SPTBN5: variants seen among roughly 807,000 people sequenced by gnomAD.
SPTBN5 encodes spectrin beta, non-erythrocytic 5.
SPTBN5 carries 513 observed loss-of-function variants against 477.6 expected under a neutral mutation model. The observed-to-expected ratio is 1.07, with a 90% CI of 1.00 to 1.16. The LOEUF (loss-of-function observed/expected upper bound fraction) is 1.16, where lower values mean the gene tolerates loss of function less well. SPTBN5 is among the 50% of genes most tolerant of loss of function. The probability of loss-of-function intolerance (pLI) is 0.00; values close to 1 mark genes in which losing one functional copy is unlikely to be tolerated. For synonymous variants in SPTBN5, 2,169 were observed against 2,011.7 expected (o/e 1.08, Z -2.09); for missense variants, 5,062 against 4,731.8 (o/e 1.07, Z -2.05).
In SPTBN5 at chr15:41,857,503, G is replaced by T; in HGVS notation, c.8365-9C>A. 1 of 1,604,068 alleles carries T rather than the reference G, an allele frequency of 6.2e-7. No individual in the cohort carries two copies. The highest frequency in any genetic ancestry group is 1.7e-4 in the Middle Eastern group (1 of 6,034). On this transcript the variant is annotated splice_polypyrimidine_tract_variant and intron_variant, in intron 50 of 67. Coordinates refer to ENST00000320955, the MANE Select transcript of SPTBN5 (RefSeq NM_016642.4). ...CGCCGCAGACGCAGGGCCTAGGGTA[G>T]AAAGTGAGGTAGGCAGGAGGGGAGT... is the stretch of plus-strand genomic sequence containing the variant.
intron 32 of SPTBN5, among the ~76,000 whole-genome samples, chr15:41,869,568 T>C (rs2066459058): frequency 6.6e-6 from 1 of 152,228 alleles, no homozygotes; most frequent in Non-Finnish European, 1.5e-5. Flanking sequence ...TGAGCTTTCC[T>C]GGGCAGTTCT....
At chr15:41,853,855 G>A in intron 57 of SPTBN5, 68 bp from the exon 58 acceptor site, 1 of 1,462,078 alleles carries the variant, frequency 6.8e-7, no homozygotes, top group Non-Finnish European at 9.1e-7. Context: ...GCATTCAGGA[G>A]CACCAGGCCT....
chr15:41,869,850 G>A lies in SPTBN5; in HGVS notation c.5844C>T (p.Phe1948=), dbSNP rs745406370. The A allele has an allele frequency of 6.4e-6, 10 of 1,559,206 alleles. No individual in the cohort carries two copies. The highest frequency in any genetic ancestry group is 5.8e-5 in the South Asian group (5 of 85,560). ...QLERARLLAR[F]RTAVRDYASW... is the part of the protein sequence containing the mutation. Reference sequence around the variant, plus strand: ...GGGCAGGAGCCCTCACCGCCGTGCGGAAGCGGGCCAGGAGGCGTGCCCGCT... The same window carrying A: ...GGGCAGGAGCCCTCACCGCCGTGCGAAAGCGGGCCAGGAGGCGTGCCCGCT... Residue 1948 remains phenylalanine (F), a synonymous_variant, in exon 32 of 68, where the codon TTC becomes TTT. Coordinates refer to ENST00000320955, the MANE Select transcript of SPTBN5 (RefSeq NM_016642.4).
rs551257306 is a variant in SPTBN5 at position 41,856,440 on chromosome 15, C to T, written c.8967G>A (p.Ala2989=). 83 of 1,596,226 alleles carry T rather than the reference C, an allele frequency of 5.2e-5. No individual in the cohort carries two copies. The highest frequency in any genetic ancestry group is 2.1e-4 in the Middle Eastern group (1 of 4,670). ...CCTGCTGCAGCAGAAGCCGCCTCCG[C>T]GCCGCCTCTGCCCGCAGGTGGGCCA... is the stretch of plus-strand genomic sequence containing the variant. ...KAMAHLRAEA[A]RRRLLLQQAQ... Residue 2989 remains alanine, a synonymous_variant, in exon 53 of 68, where the codon GCG becomes GCA. Coordinates refer to ENST00000320955, the MANE Select transcript of SPTBN5 (RefSeq NM_016642.4).
chr15:41,859,458 C>G (rs1258815458), intron 47 of SPTBN5, among the ~76,000 whole-genome samples: 2 of 152,154 alleles, frequency 1.3e-5, no homozygotes, highest in African/African-American at 4.8e-5. Flanking sequence ...TGCACCCAGC[C>G]TGTACCACTG....
chr15:41,851,907 G>T, intron 62 of SPTBN5, 57 bp from the exon 63 acceptor site: 2 of 1,415,550 alleles, frequency 1.4e-6, no homozygotes, highest in Non-Finnish European at 2.0e-6. Context: ...AGGAAGGTGG[G>T]CAAGGCACCC....
rs1316420206 is a variant in SPTBN5 at position 41,871,927 on chromosome 15, C to T, written c.5166-10G>A. 2 of 1,556,974 alleles carry T rather than the reference C, an allele frequency of 1.3e-6. No homozygotes were observed. On this transcript the variant is annotated splice_polypyrimidine_tract_variant and intron_variant, in intron 27 of 67. Coordinates refer to ENST00000320955, the MANE Select transcript of SPTBN5 (RefSeq NM_016642.4). ...CTCCAGTTCCCGGTCCCTGTGGTAA[C>T]AGTCCGTGGTTCCCCAGAAGTGAGT...
At chr15:41,886,825 C>G (rs528634598) in intron 6 of SPTBN5, among the ~76,000 whole-genome samples, 1 of 152,210 alleles carries the variant, frequency 6.6e-6, no homozygotes, top group Admixed American at 6.5e-5. Context: ...GGAAGCCCCC[C>G]AAAAACATGA....
intron 4 of SPTBN5, 141 bp from the exon 5 acceptor site, chr15:41,888,226 AGAGTATCT>A (rs1223657604): frequency 2.4e-6 from 2 of 828,704 alleles, no homozygotes; most frequent in East Asian, 5.4e-5. Flanking sequence ...TCCTCTCTTC[AGAGTATCT>A]GATTTTGCCC....
At chr15:41,858,852 C>A (rs755672764) in intron 48 of SPTBN5, 38 bp downstream of exon 48, 2 of 1,549,670 alleles carry the variant, frequency 1.3e-6, no homozygotes, top group East Asian at 4.6e-5. Flanking sequence ...TCGACTCCTT[C>A]CCCACCATGA....
rs2271284 is a variant in SPTBN5, at chr15:41,883,386, C to T, written c.1621G>A (p.Glu541Lys). The T allele has an allele frequency of 8.4e-5, 135 of 1,613,822 alleles. No homozygotes were observed. The East Asian group carries it at 3.0e-3, about 36-fold the overall frequency. ...AGCTGGTGGGAGGCAGCCTCCACCT[C>T]CTGCAGCAGGCTCAGCACAGCCTGC... ...DMQAVLSLLQ[E>K]VEAASHQLEE... The change falls in exon 8 of 68, where the codon GAG becomes AAG. Residue 541 changes from glutamate (E) to lysine (K), a missense_variant. By Grantham distance (56) the Glu-to-Lys change is moderately conservative. Coordinates refer to ENST00000320955, the MANE Select transcript of SPTBN5 (RefSeq NM_016642.4).
Position 41,871,427 on chromosome 15 carries a change from C to T in SPTBN5, c.5395G>A (p.Glu1799Lys). The T allele has an allele frequency of 1.3e-6, 2 of 1,544,042 alleles. No homozygotes were observed. The highest frequency in any genetic ancestry group is 1.7e-6 in the Non-Finnish European group (2 of 1,143,942). Residue 1799 changes from glutamate (E) to lysine (K), a missense_variant, in exon 29 of 68, where the codon GAG becomes AAG. Glu to Lys is a moderately conservative substitution (Grantham distance 56). Transcript: ENST00000320955. ...ATGGGGCCAGCACTGTGCCCACGCT[C>T]TAGCAGGCTCTCCGCCAGCAGCCGG... Reference protein sequence around the residue: ...ACRLLAESLLERGHSAGPMVR... With the variant: ...ACRLLAESLLKRGHSAGPMVR...
chr15:41,867,171 GGCAGGGCCTGGCCT>G, intron 35 of SPTBN5, 45 bp from the exon 36 acceptor site: 1 of 1,493,804 alleles, frequency 6.7e-7, no homozygotes, highest in East Asian at 2.5e-5. Flanking sequence ...CCTGGGCTGG[GGCAGGGCCTGGCCT>G]GCAGGGCTCA....
intron 3 of SPTBN5, among the ~76,000 whole-genome samples, chr15:41,891,821 G>C (rs775967956): frequency 6.6e-6 from 1 of 152,166 alleles, no homozygotes; most frequent in Non-Finnish European, 1.5e-5. Context: ...CGGCAACTCC[G>C]TCATCCTTTC....
intron 58 of SPTBN5, 58 bp downstream of exon 58, chr15:41,853,524 C>T: frequency 6.5e-7 from 1 of 1,539,266 alleles, no homozygotes; most frequent in Non-Finnish European, 8.8e-7. Flanking sequence ...CCCCAAGAGC[C>T]AGGATACCCC....
In SPTBN5 at chr15:41,854,885, A is replaced by G; in HGVS notation, c.9515T>C (p.Leu3172Pro). ...ATAGCGCCTGGGTGCACCCCGCTCC[A>G]GGGTGCCTGCCAACTTCCTCAGGGC... ...VYALRKLAGT[L>P]ERGAPRRYPH... Residue 3172 changes from leucine (L) to proline (P), a missense_variant, in exon 56 of 68, where the codon CTG (leucine) becomes CCG (proline). By Grantham distance (98) the Leu-to-Pro change is moderately conservative. Coordinates refer to ENST00000320955, the MANE Select transcript of SPTBN5 (RefSeq NM_016642.4). 6.2e-7 allele frequency: 1 copy of G among 1,609,350 alleles called. No individual in the cohort carries two copies. Among genetic ancestry groups the G allele is most frequent in the African/African-American group, 1.3e-5 (1 of 74,884 alleles).
Position 41,856,439 on chromosome 15 carries a change from G to A in SPTBN5, c.8968C>T (p.Arg2990Trp), listed in dbSNP as rs749853045. 6.6e-5 allele frequency: 106 copies of A among 1,596,300 alleles called. No homozygotes were observed. Among genetic ancestry groups the A allele is most frequent in the South Asian group, 4.4e-4 (39 of 88,864 alleles). ...GCCTGCTGCAGCAGAAGCCGCCTCCGCGCCGCCTCTGCCCGCAGGTGGGCC... is the reference window on the plus strand; with the variant it reads ...GCCTGCTGCAGCAGAAGCCGCCTCCACGCCGCCTCTGCCCGCAGGTGGGCC... Reference protein sequence around the residue: ...AMAHLRAEAARRRLLLQQAQE... With the variant: ...AMAHLRAEAAWRRLLLQQAQE... The change falls in exon 53 of 68, where the codon CGG becomes TGG. Residue 2990 changes from arginine (R) to tryptophan (W), a missense_variant. Arg to Trp is a moderately radical substitution (Grantham distance 101). Coordinates refer to ENST00000320955, the MANE Select transcript of SPTBN5 (RefSeq NM_016642.4).
chr15:41,882,231 G>GGGC, intron 11 of SPTBN5, 38 bp downstream of exon 11: 1 of 1,243,764 alleles, frequency 8.0e-7, no homozygotes, highest in Non-Finnish European at 1.1e-6. Context: ...CGCCTCGCCG[G>GGGC]GCCCCGCCCC....
chr15:41,850,128 A>G, intron 66 of SPTBN5, 169 bp from the exon 67 acceptor site: 2 of 618,182 alleles, frequency 3.2e-6, no homozygotes, highest in Non-Finnish European at 5.8e-6. Flanking sequence ...ACTTGTGGGC[A>G]GGTTTTTCCC....
Sources: allele counts gnomAD v4.1 joint callset (sites outside exome capture counted in the v4.1 genomes callset), GRCh38; gene constraint gnomAD v4.1.1; transcripts MANE v1.5; gene names NCBI Gene and HGNC (gene_info 2026-07-23, HGNC 2026-07-21).